Variants in KCNC1 observed in about 807,000 individuals in gnomAD.
KCNC1 encodes the protein voltage-gated potassium channel KCNC1.
A neutral mutation model predicts 43.4 loss-of-function variants in KCNC1; 8 were observed. The ratio of observed to expected loss-of-function variants is 0.18; its 90% CI spans 0.11 to 0.33. The LOEUF (loss-of-function observed/expected upper bound fraction) is 0.33. Among genes scored for constraint, KCNC1 ranks in the 10% least tolerant of loss-of-function variants. The probability of loss-of-function intolerance (pLI) is 1.00; values close to 1 mark genes in which losing one functional copy is unlikely to be tolerated. For missense variants in KCNC1, 420 were observed against 836.0 expected (o/e 0.50, Z 6.14); for synonymous variants, 361 against 360.5 (o/e 1.00, Z -0.01).
chr11:17,771,834 A>G lies in KCNC1; in HGVS notation c.740A>G (p.Tyr247Cys), dbSNP rs1590106474. The change falls in exon 2 of 4, where the codon TAC (tyrosine) becomes TGC (cysteine). Residue 247 changes from tyrosine (Y) to cysteine (C), a missense_variant. Physicochemically the swap from Tyr to Cys is radical, Grantham distance 194 (BLOSUM62 -2). Transcript: ENST00000265969. The surrounding 1 kb of genome is among the most constrained non-coding windows in gnomAD (Gnocchi z 4.7). ...REAETEAFLTYIEGVCVVWFT... is the reference protein window; with the variant it reads ...REAETEAFLTCIEGVCVVWFT... ...GCCGAGACGGAGGCCTTCCTTACCTACATCGAGGGCGTCTGTGTGGTCTGG... is the reference window on the plus strand; with the variant it reads ...GCCGAGACGGAGGCCTTCCTTACCTGCATCGAGGGCGTCTGTGTGGTCTGG... 2.5e-6 allele frequency: 4 copies of G among 1,614,122 alleles called. No homozygotes were observed. In the Middle Eastern group the frequency reaches 4.9e-4, roughly 200 times the overall value.
Position 17,735,459 on chromosome 11 carries a change from A to G in KCNC1, c.-544A>G, listed in dbSNP as rs1451705283. On this transcript the variant is annotated 5_prime_UTR_variant, in exon 1 of 4. Coordinates refer to ENST00000265969, the MANE Select transcript of KCNC1 (RefSeq NM_001112741.2). This position sits in a 1 kb window ranked among gnomAD's most constrained non-coding sequence, Gnocchi z 6.7. ...GAGCGCGCCGCGGCGACCACCTCACAGAGGAGCGCGAATTTCCCGGCCCTG... is the reference window on the plus strand; with the variant it reads ...GAGCGCGCCGCGGCGACCACCTCACGGAGGAGCGCGAATTTCCCGGCCCTG... 1.3e-5 allele frequency: 2 copies of G among 152,122 alleles called. No individual in the cohort carries two copies. Among genetic ancestry groups the G allele is most frequent in the African/African-American group, 2.4e-5 (1 of 41,374 alleles). 9.4% of individuals were successfully genotyped at this position (152,122 alleles called of 1,614,324 possible).
At chr11:17,751,156 A>G (rs1229798688) in intron 1 of KCNC1, among the ~76,000 whole-genome samples, 1 of 152,236 alleles carries the variant, frequency 6.6e-6, no homozygotes, top group Non-Finnish European at 1.5e-5. Flanking sequence ...ATTAGATCCC[A>G]GGTCTTCTTT....
At chr11:17,778,838 CG>C (rs1031786335) in intron 2 of KCNC1, among the ~76,000 whole-genome samples, 14 of 25,654 alleles carry the variant, frequency 5.5e-4, no homozygotes, top group African/African-American at 2.1e-3. Context: ...AGGTTGGGGT[CG>C]GGGGGGTACG....
rs61882395 is a variant in KCNC1 at position 17,771,252 on chromosome 11, A to C, written c.571-413A>C. On this transcript the variant is annotated intron_variant, in intron 1 of 3. Coordinates refer to ENST00000265969, the MANE Select transcript of KCNC1 (RefSeq NM_001112741.2). This position sits in a 1 kb window ranked among gnomAD's most constrained non-coding sequence, Gnocchi z 4.7. ...AAACTTCAGCCCCAGCAGGCTAGCT[A>C]AATGGGCAGGGTAGCTAAATGCCTT... 6.6e-6 allele frequency among the ~76,000 whole-genome samples: 1 copy of C among 151,956 alleles called. No homozygotes were observed. The highest frequency in any genetic ancestry group is 1.5e-5 in the Non-Finnish European group (1 of 67,970).
At chr11:17,737,922 T>G (rs1209661509) in intron 1 of KCNC1, among the ~76,000 whole-genome samples, 1 of 146,410 alleles carries the variant, frequency 6.8e-6, no homozygotes, top group Non-Finnish European at 1.5e-5. Context: ...GGACCTCAAG[T>G]GCCCATGGGC....
intron 1 of KCNC1, among the ~76,000 whole-genome samples, chr11:17,740,172 G>A (rs961838897): frequency 5.3e-4 from 80 of 152,282 alleles, no homozygotes; most frequent in African/African-American, 1.8e-3. Context: ...CAAGAGTGCC[G>A]GCTGCTGGCT....
intron 1 of KCNC1, among the ~76,000 whole-genome samples, chr11:17,750,581 C>T (rs1848956346): frequency 6.6e-6 from 1 of 152,144 alleles, no homozygotes; most frequent in Non-Finnish European, 1.5e-5. Flanking sequence ...TTCCATGTCC[C>T]CAGCCCTTTC....
Position 17,736,703 on chromosome 11 carries a change from T to C in KCNC1, c.570+131T>C. 2 of 1,381,180 alleles carry C rather than the reference T, an allele frequency of 1.4e-6. No individual in the cohort carries two copies. Among genetic ancestry groups the C allele is most frequent in the Non-Finnish European group, 1.9e-6 (2 of 1,054,208 alleles). The allele number at this position is 1,381,180 out of a possible 1,614,324, so 85.6% of individuals were successfully genotyped here. A position where few individuals can be genotyped will look rare whatever the true frequency, so the allele number is the denominator to read the frequency against. On this transcript the variant is annotated intron_variant, in intron 1 of 3. Transcript: ENST00000265969. The surrounding 1 kb of genome is among the most constrained non-coding windows in gnomAD (Gnocchi z 9.3). ...TCGAAAGGGGGTGTGTGCGCATGTG[T>C]GCACGTACCAGGGTAAGAGAGGAAG...
chr11:17,779,317 G>C lies in KCNC1; in HGVS notation c.1505-139G>C, dbSNP rs555621241. The C allele has an allele frequency of 4.7e-6, 3 of 643,178 alleles. No homozygotes were observed. Among genetic ancestry groups the C allele is most frequent in the Non-Finnish European group, 7.5e-6 (3 of 402,040 alleles). The allele number at this position is 643,178 out of a possible 1,614,324, so 39.8% of individuals were successfully genotyped here. On this transcript the variant is annotated intron_variant, in intron 2 of 3. Transcript: ENST00000265969. The surrounding 1 kb of genome is among the most constrained non-coding windows in gnomAD (Gnocchi z 7.2). The stretch of plus-strand genomic sequence containing the variant: ...AAGCCCCCTGCCTTGTGCCCTCCTC[G>C]CTCCACAGCCTGCCCGCTTTTCCGT...
In KCNC1 at chr11:17,772,122, A is replaced by G; in HGVS notation, c.1028A>G (p.Asn343Ser). Reference protein sequence around the residue: ...VLGHTLRASTNEFLLLIIFLA... With the variant: ...VLGHTLRASTSEFLLLIIFLA... ...GGCCACACGCTCCGAGCCAGCACCA[A>G]CGAGTTCCTGCTGCTCATCATCTTC... The change falls in exon 2 of 4, where the codon AAC (asparagine) becomes AGC (serine). Residue 343 changes from asparagine (N) to serine (S), a missense_variant. Asn to Ser is a conservative substitution (Grantham distance 46, BLOSUM62 1). Around this residue, in one of 5 missense-constraint regions of KCNC1, gnomAD observed 58 missense variants for 256.9 expected, o/e 0.23. Coordinates refer to ENST00000265969, the MANE Select transcript of KCNC1 (RefSeq NM_001112741.2). 6.2e-7 allele frequency: 1 copy of G among 1,614,048 alleles called. No individual in the cohort carries two copies. Among genetic ancestry groups the G allele is most frequent in the Non-Finnish European group, 8.5e-7 (1 of 1,179,974 alleles).
chr11:17,751,311 A>T (rs1210339699), intron 1 of KCNC1, among the ~76,000 whole-genome samples: 1 of 152,232 alleles, frequency 6.6e-6, no homozygotes, highest in African/African-American at 2.4e-5. Context: ...AAAAAGACGG[A>T]TATGTGGATG....
chr11:17,780,936 TC>T (rs1324405799), intron 3 of KCNC1: 1 of 152,218 alleles, frequency 6.6e-6, no homozygotes, highest in African/African-American at 2.4e-5. Context: ...GAGGGTCCCA[TC>T]CTTGGCACCG....
At position 17,777,761 on chromosome 11, in the gene KCNC1, TC is replaced by T. The variant is rs1158229916; in HGVS notation, c.1505-1693del. 1.4e-5 allele frequency: 14 copies of T among 986,166 alleles called. No individual in the cohort carries two copies. The highest frequency in any genetic ancestry group is 1.7e-5 in the Non-Finnish European group (14 of 830,032). 61.1% of individuals were successfully genotyped at this position (986,166 alleles called of 1,614,324 possible). A position where few individuals can be genotyped will look rare whatever the true frequency, so the allele number is the denominator to read the frequency against. ...TGTACGAAAGACTTTTTTTTTAAGT[TC>T]CAAAATTATGATGGGATTTTTTTGG... On this transcript the variant is annotated intron_variant, in intron 2 of 3. Coordinates refer to ENST00000265969, the MANE Select transcript of KCNC1 (RefSeq NM_001112741.2). This position sits in a 1 kb window ranked among gnomAD's most constrained non-coding sequence, Gnocchi z 4.3.
chr11:17,760,229 G>A (rs905977610), intron 1 of KCNC1, among the ~76,000 whole-genome samples: 3 of 152,126 alleles, frequency 2.0e-5, no homozygotes, highest in Non-Finnish European at 2.9e-5. Context: ...AAATTTAGCC[G>A]AGCTCCCTGG....
intron 3 of KCNC1, chr11:17,780,482 C>G (rs1451963065): frequency 6.6e-6 from 1 of 152,462 alleles, no homozygotes; most frequent in East Asian, 1.9e-4. Context: ...GCTCAAGGCT[C>G]CAGGCACTGG....
Position 17,739,357 on chromosome 11 carries a change from C to T in KCNC1, c.570+2785C>T, listed in dbSNP as rs4757587. 0.74 allele frequency among the ~76,000 whole-genome samples: 111,593 copies of T among 150,216 alleles called. 43,402 individuals are homozygous for T. The highest frequency in any genetic ancestry group is 0.85 in the Middle Eastern group (244 of 288). On this transcript the variant is annotated intron_variant, in intron 1 of 3. Coordinates refer to ENST00000265969, the MANE Select transcript of KCNC1 (RefSeq NM_001112741.2). This position sits in a 1 kb window ranked among gnomAD's most constrained non-coding sequence, Gnocchi z 4.2. ...TGTGTGTGAGAATAAATGTGAGACT[C>T]CAGGCGTGTGTGTGTGTGTGTGTGT...
chr11:17,774,579 A>G, intron 2 of KCNC1: 7 of 985,638 alleles, frequency 7.1e-6, no homozygotes, highest in Non-Finnish European at 8.4e-6. Context: ...ATCCCAGGAC[A>G]CAAAACCTGT....
At position 17,745,317 on chromosome 11, in the gene KCNC1, C is replaced by T. The variant is rs546231232; in HGVS notation, c.570+8745C>T. Among the ~76,000 whole-genome samples the T allele has an allele frequency of 4.6e-5, 7 of 152,310 alleles. No individual in the cohort carries two copies. The South Asian group carries it at 1.4e-3, about 32-fold the overall frequency. ...TCACAGCCATGGCAACCGCATCCAT[C>T]TGGTGGCTCCCACTGGTAGACCTTG... On this transcript the variant is annotated intron_variant, in intron 1 of 3. Transcript: ENST00000265969.
intron 1 of KCNC1, among the ~76,000 whole-genome samples, chr11:17,765,641 C>T (rs1250163553): frequency 6.6e-6 from 1 of 152,168 alleles, no homozygotes; most frequent in Non-Finnish European, 1.5e-5. Context: ...AGAAAAAGGC[C>T]AGAAACTACC....
Sources: gnomAD v4.1 joint callset for allele counts (sites outside exome capture counted in the v4.1 genomes callset) on GRCh38, gnomAD v4.1.1 for gene constraint, gnomAD v4.1.1 regional missense constraint, Gnocchi (gnomAD v3.1) non-coding constraint, MANE v1.5 for transcripts, NCBI Gene and HGNC (gene_info 2026-07-23, HGNC 2026-07-21) for gene names.